The following AOPEP variants were observed in gnomAD, a reference collection of about 807,000 sequenced individuals.
AOPEP encodes the protein aminopeptidase O (putative), also known as aminopeptidase O.
AOPEP carries 77 observed loss-of-function variants against 98.1 expected under a neutral mutation model. The observed-to-expected ratio is 0.78, with a 90% CI of 0.65 to 0.95. AOPEP has a LOEUF of 0.95. Among genes scored for constraint, AOPEP ranks in the 40% least tolerant of loss-of-function variants. The probability of loss-of-function intolerance (pLI) is 0.00; values close to 1 mark genes in which losing one functional copy is unlikely to be tolerated. For synonymous variants in AOPEP, 346 were observed against 365.3 expected (o/e 0.95, Z 0.60); for missense variants, 1,024 against 1,024.7 (o/e 1.00, Z 0.01).
the AOPEP span, chr9:95,107,074 T>C: frequency 6.2e-7 from 1 of 1,614,146 alleles, no homozygotes; most frequent in African/African-American, 1.3e-5. Context: ...ACCAGGGTGA[T>C]GACATCCCAG....
rs78948005 is a variant in AOPEP at position 94,951,453 on chromosome 9, A to T, written c.1662-3724A>T. ...AACCAGTTTTGTGGTCTTCTCTAGG[A>T]CTCACTTTCTTTAACTTTTAAATGG... On this transcript the variant is annotated intron_variant, in intron 7 of 16. Coordinates refer to ENST00000375315, the MANE Select transcript of AOPEP (RefSeq NM_001193329.3). Among the ~76,000 whole-genome samples, 1,394 of 152,168 alleles carry T rather than the reference A, an allele frequency of 9.2e-3. 11 individuals are homozygous for T. The highest frequency in any genetic ancestry group is 0.032 in the African/African-American group (1,325 of 41,498).
In AOPEP at chr9:94,931,794, C is replaced by T. The variant is rs1313316557; in HGVS notation, c.1661+3263C>T. ...TGTTCAACATGTTTGACCACTCTGT[C>T]CTAAAAACGCTTTCTTCTTAAAGCA... On this transcript the variant is annotated intron_variant, in intron 7 of 16. Transcript: ENST00000375315. The T allele has an allele frequency of 2.6e-6, 4 of 1,548,108 alleles. No individual in the cohort carries two copies. In the East Asian group the frequency reaches 7.3e-5, roughly 28 times the overall value.
intron 13 of AOPEP, among the ~76,000 whole-genome samples, chr9:95,014,380 G>GACTC (rs925836676): frequency 6.6e-6 from 1 of 152,050 alleles, no homozygotes; most frequent in African/African-American, 2.4e-5. Context: ...GGCTGAGGTG[G>GACTC]AGTGTCCCTT....
intron 5 of AOPEP, among the ~76,000 whole-genome samples, chr9:94,918,190 C>T (rs1169798361): frequency 6.6e-6 from 1 of 152,194 alleles, no homozygotes; most frequent in Non-Finnish European, 1.5e-5. Context: ...AACACATGCC[C>T]CTGTGACCCA....
the AOPEP span, among the ~76,000 whole-genome samples, chr9:95,102,250 C>T: frequency 7.2e-5 from 11 of 152,170 alleles, no homozygotes; most frequent in Non-Finnish European, 1.0e-4. Flanking sequence ...AAGGCTCACA[C>T]GAACATGAGA....
chr9:94,977,276 AGGATAGTT>A (rs1483152403), intron 10 of AOPEP, among the ~76,000 whole-genome samples: 33 of 152,040 alleles, frequency 2.2e-4, no homozygotes, highest in African/African-American at 6.7e-4. Flanking sequence ...GCCCCTGGAG[AGGATAGTT>A]CATTTGGTGG....
At chr9:95,041,281 A>G (rs895630167) in intron 13 of AOPEP, among the ~76,000 whole-genome samples, 1 of 152,132 alleles carries the variant, frequency 6.6e-6, no homozygotes, top group Non-Finnish European at 1.5e-5. Context: ...CGCTTTAATC[A>G]GTGTAGGAAA....
the AOPEP span, chr9:95,135,341 C>G: frequency 2.5e-6 from 4 of 1,613,576 alleles, no homozygotes; most frequent in East Asian, 2.2e-5. Context: ...AAACCCAGTA[C>G]GTACCAGCGA....
At chr9:94,778,671 T>C (rs566965518) in intron 3 of AOPEP, among the ~76,000 whole-genome samples, 1 of 152,246 alleles carries the variant, frequency 6.6e-6, no homozygotes, top group Admixed American at 6.5e-5. Context: ...GAAATGTTCA[T>C]GGGGGTAATG....
chr9:94,802,502 G>A (rs1018728634), intron 5 of AOPEP, among the ~76,000 whole-genome samples: 2 of 152,150 alleles, frequency 1.3e-5, no homozygotes, highest in Non-Finnish European at 2.9e-5. Flanking sequence ...CTCTTTTCAA[G>A]TTTGCATGCC....
At chr9:95,083,380 GCA>G (rs1039062676) in intron 16 of AOPEP, among the ~76,000 whole-genome samples, 1 of 146,086 alleles carries the variant, frequency 6.8e-6, no homozygotes, top group African/African-American at 2.6e-5. Context: ...AGCACACGCG[GCA>G]CACACAGCAC....
chr9:95,047,092 A>G (rs1474746694), intron 13 of AOPEP, among the ~76,000 whole-genome samples: 1 of 152,242 alleles, frequency 6.6e-6, no homozygotes, highest in East Asian at 1.9e-4. Flanking sequence ...TCACATGAAC[A>G]GTTTAGGATT....
chr9:95,122,150 G>A, the AOPEP span, among the ~76,000 whole-genome samples: 4 of 152,216 alleles, frequency 2.6e-5, no homozygotes, highest in Non-Finnish European at 4.4e-5. Context: ...GAGCCACCAC[G>A]CCTGGCACAT....
At position 95,086,694 on chromosome 9, in the gene AOPEP, C is replaced by A; in HGVS notation, c.*17C>A. ...GTTTCCTTTGCAGGAAAGACCACAG[C>A]AAGATTCTTTCATTCGTCTCCTCCT... On this transcript the variant is annotated 3_prime_UTR_variant, in exon 17 of 17. Transcript: ENST00000375315. The A allele has an allele frequency of 1.0e-6, 1 of 988,184 alleles. No individual in the cohort carries two copies. Among genetic ancestry groups the A allele is most frequent in the Non-Finnish European group, 1.2e-6 (1 of 830,536 alleles). 61.2% of individuals were successfully genotyped at this position (988,184 alleles called of 1,614,324 possible). A position where few individuals can be genotyped will look rare whatever the true frequency, so the allele number is the denominator to read the frequency against.
intron 3 of AOPEP, among the ~76,000 whole-genome samples, chr9:94,789,570 C>G (rs1318624170): frequency 6.6e-6 from 1 of 152,104 alleles, no homozygotes; most frequent in Non-Finnish European, 1.5e-5. Flanking sequence ...CATTATGTTT[C>G]CAGTAGAAAA....
intron 11 of AOPEP, among the ~76,000 whole-genome samples, chr9:94,985,112 C>A (rs926189700): frequency 5.9e-5 from 9 of 152,368 alleles, no homozygotes; most frequent in Admixed American, 5.2e-4. Flanking sequence ...GCTCAGCCGC[C>A]AGTTCCTGGC....
At chr9:94,961,257 A>G (rs1564450903) in intron 9 of AOPEP, among the ~76,000 whole-genome samples, 1 of 152,166 alleles carries the variant, frequency 6.6e-6, no homozygotes, top group Non-Finnish European at 1.5e-5. Flanking sequence ...TTATCAGGAA[A>G]TGGCTTGGTG....
chr9:94,766,810 T>C (rs1839732817), intron 2 of AOPEP, among the ~76,000 whole-genome samples: 1 of 151,978 alleles, frequency 6.6e-6, no homozygotes, highest in African/African-American at 2.4e-5. Flanking sequence ...TAAACTTTTG[T>C]AAAACATTGT....
rs1564158724 is a variant in AOPEP, at chr9:94,800,754, C to T, written c.1119-3C>T. Reference sequence around the variant, plus strand: ...TTTACCATTTATTTTGTGTTATTCCCAGGCATGTTGGTGTTTGCAGTCACA... The same window carrying T: ...TTTACCATTTATTTTGTGTTATTCCTAGGCATGTTGGTGTTTGCAGTCACA... On this transcript the variant is annotated splice_region_variant and splice_polypyrimidine_tract_variant and intron_variant, in intron 4 of 16. Coordinates refer to ENST00000375315, the MANE Select transcript of AOPEP (RefSeq NM_001193329.3). The T allele has an allele frequency of 6.2e-7, 1 of 1,613,718 alleles. No individual in the cohort carries two copies. The highest frequency in any genetic ancestry group is 8.5e-7 in the Non-Finnish European group (1 of 1,179,674).
Sources: allele counts gnomAD v4.1 joint callset (sites outside exome capture counted in the v4.1 genomes callset), GRCh38; gene constraint gnomAD v4.1.1; transcripts MANE v1.5; gene names NCBI Gene and HGNC (gene_info 2026-07-23, HGNC 2026-07-21).